Variants in RFX4 observed in about 807,000 individuals in gnomAD.
RFX4 encodes the protein transcription factor RFX4.
In RFX4, 10 loss-of-function variants were observed where a neutral mutation model predicts 95.0. The observed-to-expected ratio is 0.11, with a 90% CI of 0.06 to 0.18. The LOEUF (loss-of-function observed/expected upper bound fraction) is 0.18. RFX4 is among the 10% of genes least tolerant of loss of function. RFX4 has a pLI of 1.00. For synonymous variants in RFX4, 321 were observed against 340.7 expected (o/e 0.94, Z 0.64); for missense variants, 640 against 922.0 (o/e 0.69, Z 3.96).
At chr12:106,640,842 G>A (rs58874707) in intron 3 of RFX4, among the ~76,000 whole-genome samples, 19 of 149,574 alleles carry the variant, frequency 1.3e-4, no homozygotes, top group South Asian at 2.1e-4. Context: ...GTGCTGTGGC[G>A]TGATTTTGGC....
At chr12:106,693,979 A>G (rs75942570) in intron 7 of RFX4, among the ~76,000 whole-genome samples, 1 of 152,096 alleles carries the variant, frequency 6.6e-6, no homozygotes, top group East Asian at 1.9e-4. Context: ...TTTTATCCCC[A>G]TTTCACAGAA....
chr12:106,723,931 G>C (rs1483858404), intron 13 of RFX4, among the ~76,000 whole-genome samples: 1 of 152,168 alleles, frequency 6.6e-6, no homozygotes, highest in Non-Finnish European at 1.5e-5. Flanking sequence ...CCATGCTAAA[G>C]CTGGAGTTTT....
chr12:106,588,036 G>A (rs2039487826), intron 1 of RFX4, among the ~76,000 whole-genome samples: 1 of 152,092 alleles, frequency 6.6e-6, no homozygotes, highest in Admixed American at 6.5e-5. Context: ...TCACAGGCTG[G>A]GATCTCTGAC....
intron 2 of RFX4, among the ~76,000 whole-genome samples, chr12:106,616,910 G>A (rs573709766): frequency 3.3e-4 from 50 of 151,430 alleles, no homozygotes; most frequent in Non-Finnish European, 5.2e-4. Flanking sequence ...ACAGGTGTGC[G>A]CCACCATGCC....
At chr12:106,660,340 A>T (rs148184924) in intron 4 of RFX4, among the ~76,000 whole-genome samples, 11 of 152,106 alleles carry the variant, frequency 7.2e-5, no homozygotes, top group African/African-American at 2.6e-4. Context: ...CCTGAGAACC[A>T]GGCTGGTTGT....
chr12:106,720,145 G>A lies in RFX4; in HGVS notation c.1233+91G>A. 7 of 1,119,248 alleles carry A rather than the reference G, an allele frequency of 6.3e-6. No homozygotes were observed. Among genetic ancestry groups the A allele is most frequent in the Non-Finnish European group, 9.5e-6 (7 of 737,540 alleles). The allele number at this position is 1,119,248 out of a possible 1,614,324, so 69.3% of individuals were successfully genotyped here. ...TGGCCAAGACAAAGCCCTATGGTAA[G>A]CTATCTGAACAGGGTTTTGAGGAGA... On this transcript the variant is annotated intron_variant, in intron 12 of 17. Transcript: ENST00000392842. This position sits in a 1 kb window ranked among gnomAD's most constrained non-coding sequence, Gnocchi z 4.2.
intron 2 of RFX4, among the ~76,000 whole-genome samples, chr12:106,613,122 A>G (rs2039995626): frequency 6.6e-6 from 1 of 151,772 alleles, no homozygotes; most frequent in Non-Finnish European, 1.5e-5. Flanking sequence ...CTTTTATCAT[A>G]AAATGGTGTT....
intron 4 of RFX4, among the ~76,000 whole-genome samples, chr12:106,681,653 G>A (rs1282708227): frequency 6.6e-6 from 1 of 152,196 alleles, no homozygotes; most frequent in Non-Finnish European, 1.5e-5. Flanking sequence ...GAGGCTAAGT[G>A]TGGGTTTTAG....
intron 2 of RFX4, among the ~76,000 whole-genome samples, chr12:106,621,943 C>G (rs758514386): frequency 6.6e-6 from 1 of 152,154 alleles, no homozygotes; most frequent in Admixed American, 6.5e-5. Flanking sequence ...CCAATGTTTC[C>G]AAATAGCTAT....
chr12:106,678,477 A>G (rs1248938622), intron 4 of RFX4, among the ~76,000 whole-genome samples: 1 of 152,228 alleles, frequency 6.6e-6, no homozygotes, highest in Non-Finnish European at 1.5e-5. Context: ...TATGTTTTTA[A>G]AAAAGGAAAG....
At chr12:106,653,336 C>T (rs1014043419) in intron 3 of RFX4, among the ~76,000 whole-genome samples, 6 of 152,186 alleles carry the variant, frequency 3.9e-5, no homozygotes, top group African/African-American at 7.2e-5. Flanking sequence ...AGAGGAAGAA[C>T]GAATCATGAG....
At chr12:106,625,901 G>A (rs2040287861) in intron 2 of RFX4, among the ~76,000 whole-genome samples, 1 of 152,224 alleles carries the variant, frequency 6.6e-6, no homozygotes, top group African/African-American at 2.4e-5. Flanking sequence ...CAATGTCATA[G>A]CAAGTAAGTG....
chr12:106,759,212 G>A (rs1046138075), intron 17 of RFX4, among the ~76,000 whole-genome samples: 1 of 152,200 alleles, frequency 6.6e-6, no homozygotes, highest in Admixed American at 6.5e-5. Flanking sequence ...TCTAAAGAAT[G>A]ACAAAAGGGC....
intron 4 of RFX4, 36 bp from the exon 5 acceptor site, chr12:106,681,957 T>C (rs768911487): frequency 6.2e-7 from 1 of 1,612,354 alleles, no homozygotes; most frequent in Admixed American, 1.7e-5. Flanking sequence ...TCCCAACTCT[T>C]CCCAATGGGT....
intron 4 of RFX4, among the ~76,000 whole-genome samples, chr12:106,659,489 A>G (rs1005425554): frequency 6.6e-6 from 1 of 152,212 alleles, no homozygotes; most frequent in Non-Finnish European, 1.5e-5. Flanking sequence ...GTCCAAGCTT[A>G]TTAATAGGCA....
rs1308094811 is a variant in RFX4, at chr12:106,682,062, C to A, written c.377+8C>A. On this transcript the variant is annotated splice_region_variant and intron_variant, in intron 5 of 17. Coordinates refer to ENST00000392842, the MANE Select transcript of RFX4 (RefSeq NM_213594.3). ...GACCCGAGGACAGTCAAAGTAAGCACCGGACGGCCATTCCACCTGCAGAGC... is the reference window on the plus strand; with the variant it reads ...GACCCGAGGACAGTCAAAGTAAGCAACGGACGGCCATTCCACCTGCAGAGC... 3.1e-6 allele frequency: 5 copies of A among 1,613,972 alleles called. No individual in the cohort carries two copies. The East Asian group carries it at 8.9e-5, about 29-fold the overall frequency.
At chr12:106,721,314 T>C (rs2042392154) in intron 13 of RFX4, among the ~76,000 whole-genome samples, 1 of 152,206 alleles carries the variant, frequency 6.6e-6, no homozygotes, top group African/African-American at 2.4e-5. Context: ...TTAAGTTTTC[T>C]TTAAAAATGT....
Position 106,686,988 on chromosome 12 carries a change from T to G in RFX4, c.482T>G (p.Val161Gly). 9.3e-6 allele frequency: 15 copies of G among 1,613,816 alleles called. No homozygotes were observed. Among genetic ancestry groups the G allele is most frequent in the Non-Finnish European group, 1.3e-5 (15 of 1,179,952 alleles). Residue 161 changes from valine to glycine, a missense_variant, in exon 6 of 18, where the codon GTG becomes GGG. Val to Gly is a moderately radical substitution (Grantham distance 109). Around this residue, in one of 7 missense-constraint regions of RFX4, gnomAD observed 89 missense variants for 173.8 expected, o/e 0.51. Transcript: ENST00000392842. ...AWVSETGKKE[V>G]SKQTVAYSPR... ...GTGAGTGAGACGGGCAAGAAAGAAGTGAGCAAACAGACAGTGGCATATTCA... is the reference window on the plus strand; with the variant it reads ...GTGAGTGAGACGGGCAAGAAAGAAGGGAGCAAACAGACAGTGGCATATTCA...
rs150862064 is a variant in RFX4, at chr12:106,760,153, TCA to T, written c.1936-1039_1936-1038del. Among the ~76,000 whole-genome samples the T allele has an allele frequency of 8.2e-3, 1,256 of 152,268 alleles. 24 individuals are homozygous for T. Among genetic ancestry groups the T allele is most frequent in the African/African-American group, 0.029 (1,199 of 41,546 alleles). ...ATGGGGAGCAGAAGAATTCATACATTCACACAGTCTCTCTCCTCCTCGCTGCT... is the reference window on the plus strand; with the variant it reads ...ATGGGGAGCAGAAGAATTCATACATTCACAGTCTCTCTCCTCCTCGCTGCT... On this transcript the variant is annotated intron_variant, in intron 17 of 17. Coordinates refer to ENST00000392842, the MANE Select transcript of RFX4 (RefSeq NM_213594.3).
Sources: gnomAD v4.1 joint callset for allele counts (sites outside exome capture counted in the v4.1 genomes callset) on GRCh38, gnomAD v4.1.1 for gene constraint, gnomAD v4.1.1 regional missense constraint, Gnocchi (gnomAD v3.1) non-coding constraint, MANE v1.5 for transcripts, NCBI Gene and HGNC (gene_info 2026-07-23, HGNC 2026-07-21) for gene names.